Variants in NAPB observed in about 807,000 individuals in gnomAD.
The protein encoded by NAPB is beta-soluble NSF attachment protein.
In NAPB, 26 loss-of-function variants were observed where a neutral mutation model predicts 44.7. The ratio of observed to expected loss-of-function variants is 0.58; its 90% CI spans 0.43 to 0.81. The LOEUF (loss-of-function observed/expected upper bound fraction) is 0.81. Ranked by LOEUF, NAPB falls within the 30% of genes least tolerant of loss-of-function variation. The pLI is 0.00. For missense variants in NAPB, 315 were observed against 356.4 expected, an observed-to-expected ratio of 0.88 and a Z score of 0.94; for synonymous variants, 120 against 116.8, an observed-to-expected ratio of 1.03 and a Z score of -0.18.
chr20:23,395,047 A>G (rs746560207), intron 4 of NAPB, 48 bp from the exon 5 acceptor site: 1 of 1,612,668 alleles, frequency 6.2e-7, no homozygotes, highest in Admixed American at 1.7e-5. Context: ...TACCTATCTG[A>G]ATGCCAGTTT....
chr20:23,419,557 A>G (rs911136726), intron 1 of NAPB, among the ~76,000 whole-genome samples: 1 of 152,222 alleles, frequency 6.6e-6, no homozygotes, highest in Non-Finnish European at 1.5e-5. Context: ...CTGACTTGAA[A>G]TAATGTTGTA....
At position 23,377,418 on chromosome 20, in the gene NAPB, CT is replaced by C. The variant is rs35675684; in HGVS notation, c.854del (p.Lys285SerfsTer13). On this transcript the variant is annotated frameshift_variant, in exon 11 of 11. Coordinates refer to ENST00000377026, the MANE Select transcript of NAPB (RefSeq NM_022080.3). LOFTEE classifies it high-confidence loss of function. ...WLTTMLLRIK[K>X]SIQGDGEGDG... ...CTCCTTCTCCATCCCCTTGGATGGA[CT>C]TTTTGATGCGAAGCAACATGGTGGT... is the stretch of plus-strand genomic sequence containing the variant. The C allele has an allele frequency of 1.9e-6, 3 of 1,603,134 alleles. No homozygotes were observed. The highest frequency in any genetic ancestry group is 1.1e-5 in the South Asian group (1 of 88,926).
chr20:23,394,571 GCTGA>G (rs1344968255), intron 5 of NAPB, among the ~76,000 whole-genome samples: 4 of 152,216 alleles, frequency 2.6e-5, no homozygotes, highest in Admixed American at 2.6e-4. Context: ...AAGCTGTGAT[GCTGA>G]CTGAGTGTAC....
At chr20:23,394,361 A>G (rs764841501) in intron 5 of NAPB, among the ~76,000 whole-genome samples, 18 of 152,202 alleles carry the variant, frequency 1.2e-4, no homozygotes, top group Non-Finnish European at 1.5e-4. Flanking sequence ...GTAGAGAAAG[A>G]GAAAAGGCAA....
Position 23,390,333 on chromosome 20 carries a change from T to C in NAPB, c.421-69A>G, listed in dbSNP as rs188082523. 2.4e-4 allele frequency: 319 copies of C among 1,325,820 alleles called. No homozygotes were observed. The African/African-American group carries it at 4.2e-3, about 17-fold the overall frequency. The allele number at this position is 1,325,820 out of a possible 1,614,324, so 82.1% of individuals were successfully genotyped here. Reference sequence around the variant, plus strand: ...GCTGCATTTTAAAACTACATTTGCATAGGTATTTTTCCATAAATAAACCTA... The same window carrying C: ...GCTGCATTTTAAAACTACATTTGCACAGGTATTTTTCCATAAATAAACCTA... On this transcript the variant is annotated intron_variant, in intron 5 of 10. Transcript: ENST00000377026.
chr20:23,385,741 A>AAGAGAGAG (rs1983458835), intron 7 of NAPB, among the ~76,000 whole-genome samples: 1 of 144,740 alleles, frequency 6.9e-6, no homozygotes, highest in Non-Finnish European at 1.5e-5. Context: ...AAAGAAGAGA[A>AAGAGAGAG]AGAGAGAGAG....
At chr20:23,379,844 T>C (rs780605737) in intron 9 of NAPB, 23 bp downstream of exon 9, 1 of 1,579,328 alleles carries the variant, frequency 6.3e-7, no homozygotes, top group Non-Finnish European at 8.7e-7. Flanking sequence ...AGCATTTTTC[T>C]TCAAAGTTCT....
chr20:23,407,337 G>A (rs1985324040), intron 1 of NAPB, among the ~76,000 whole-genome samples: 1 of 152,172 alleles, frequency 6.6e-6, no homozygotes, highest in Non-Finnish European at 1.5e-5. Context: ...CTCACAGTGA[G>A]GCAGAAGATC....
chr20:23,379,254 C>T lies in NAPB; in HGVS notation c.786+191G>A, dbSNP rs983356308. On this transcript the variant is annotated intron_variant, in intron 10 of 10. Coordinates refer to ENST00000377026, the MANE Select transcript of NAPB (RefSeq NM_022080.3). ...AGCTAAATTAGTTTTGAGTGTAAGT[C>T]GAATCTCAGCATGGCTAATGGAACT... is the stretch of plus-strand genomic sequence containing the variant. 6 of 472,422 alleles carry T rather than the reference C, an allele frequency of 1.3e-5. No individual in the cohort carries two copies. The Admixed American group carries it at 1.5e-4, about 12-fold the overall frequency. The allele number at this position is 472,422 out of a possible 1,614,324, so 29.3% of individuals were successfully genotyped here.
chr20:23,379,883 T>A lies in NAPB; in HGVS notation c.719A>T (p.Glu240Val). The A allele has an allele frequency of 6.2e-7, 1 of 1,611,798 alleles. No individual in the cohort carries two copies. Among genetic ancestry groups the A allele is most frequent in the Non-Finnish European group, 8.5e-7 (1 of 1,178,332 alleles). The change falls in exon 9 of 11, where the codon GAA (glutamate) becomes GTA (valine). Residue 240 changes from glutamate (E) to valine (V), a missense_variant. Coordinates refer to ENST00000377026, the MANE Select transcript of NAPB (RefSeq NM_022080.3). Reference protein sequence around the residue: ...EMFPAFTDSRECKLLKKLLEA... With the variant: ...EMFPAFTDSRVCKLLKKLLEA... Reference sequence around the variant, plus strand: ...ATTACTTACTTTCAATAATTTACATTCTCTTGAATCAGTAAATGCTGGAAA... The same window carrying A: ...ATTACTTACTTTCAATAATTTACATACTCTTGAATCAGTAAATGCTGGAAA...
At chr20:23,412,658 T>C (rs1985734297) in intron 1 of NAPB, among the ~76,000 whole-genome samples, 1 of 152,160 alleles carries the variant, frequency 6.6e-6, no homozygotes, top group Admixed American at 6.5e-5. Context: ...AGAGACAATA[T>C]AATCAATAAC....
At chr20:23,409,763 C>A (rs1985522236) in intron 1 of NAPB, among the ~76,000 whole-genome samples, 1 of 152,192 alleles carries the variant, frequency 6.6e-6, no homozygotes, top group African/African-American at 2.4e-5. Context: ...CACAACCACC[C>A]ATAATCCGTG....
intron 1 of NAPB, among the ~76,000 whole-genome samples, chr20:23,417,825 A>C (rs369029477): frequency 5.3e-5 from 8 of 152,050 alleles, no homozygotes; most frequent in African/African-American, 1.9e-4. Flanking sequence ...TGGGAAAGGA[A>C]TATTGATACC....
chr20:23,405,123 C>T (rs530326210), intron 1 of NAPB, among the ~76,000 whole-genome samples: 20 of 151,398 alleles, frequency 1.3e-4, no homozygotes, highest in African/African-American at 4.6e-4. Flanking sequence ...GACAACATGG[C>T]GAAACCCCAT....
At chr20:23,396,999 C>A in intron 3 of NAPB, 73 bp downstream of exon 3, 1 of 1,489,000 alleles carries the variant, frequency 6.7e-7, no homozygotes, top group South Asian at 1.3e-5. Context: ...CCAACACTGA[C>A]CTTAACGTTG....
At chr20:23,377,616 C>A in intron 10 of NAPB, 130 bp from the exon 11 acceptor site, 1 of 437,694 alleles carries the variant, frequency 2.3e-6, no homozygotes, top group Non-Finnish European at 3.9e-6. Flanking sequence ...TGAAATTAAT[C>A]ATTCCAGTTT....
At chr20:23,410,686 A>C (rs1461717389) in intron 1 of NAPB, among the ~76,000 whole-genome samples, 1 of 152,176 alleles carries the variant, frequency 6.6e-6, no homozygotes, top group Non-Finnish European at 1.5e-5. Context: ...CTCTAAAATA[A>C]AAGTTGTAAA....
At chr20:23,381,446 T>TCA in intron 7 of NAPB, 129 bp from the exon 8 acceptor site, 1 of 570,210 alleles carries the variant, frequency 1.8e-6, no homozygotes, top group Non-Finnish European at 3.0e-6. Context: ...ATATATTATT[T>TCA]TATCCGAATA....
intron 2 of NAPB, among the ~76,000 whole-genome samples, chr20:23,400,385 A>C (rs1984744487): frequency 6.6e-6 from 1 of 152,118 alleles, no homozygotes; most frequent in African/African-American, 2.4e-5. Flanking sequence ...GCGTGGTGGC[A>C]CATGCCTGTA....
Sources: gnomAD v4.1 joint callset for allele counts (sites outside exome capture counted in the v4.1 genomes callset) on GRCh38, gnomAD v4.1.1 for gene constraint, MANE v1.5 for transcripts, NCBI Gene and HGNC (gene_info 2026-07-23, HGNC 2026-07-21) for gene names.